Variants in PHACTR2 observed in about 807,000 individuals in gnomAD.
The protein encoded by PHACTR2 is chromosome 6 open reading frame 56.
PHACTR2 carries 30 observed loss-of-function variants against 76.0 expected under a neutral mutation model. That is an observed-to-expected ratio of 0.39 (90% CI 0.30 to 0.54). The LOEUF is 0.54. Among genes scored for constraint, PHACTR2 ranks in the 20% least tolerant of loss-of-function variants. The pLI, the probability that PHACTR2 is intolerant of heterozygous loss-of-function variation, is 0.61. For missense variants in PHACTR2, 696 were observed against 781.1 expected, an observed-to-expected ratio of 0.89 and a Z score of 1.30; for synonymous variants, 292 against 292.5, an observed-to-expected ratio of 1.00 and a Z score of 0.02.
Position 143,774,081 on chromosome 6 carries a change from C to G in PHACTR2, c.1455C>G (p.Arg485=), listed in dbSNP as rs747846024. 1.9e-6 allele frequency: 3 copies of G among 1,613,520 alleles called. No homozygotes were observed. In the Admixed American group the frequency reaches 5.0e-5, roughly 27 times the overall value. ...CAGGTGCTTTGGCAAGTAAAATACG[C>G]CGGAGGGATACTCTTGCTATCAAAC... ...SGESALASKI[R]RRDTLAIKLG... Residue 485 remains arginine (R), a synonymous_variant, in exon 8 of 13, where the codon CGC becomes CGG. Coordinates refer to ENST00000440869, the MANE Select transcript of PHACTR2 (RefSeq NM_001100164.2). This position sits in a 1 kb window ranked among gnomAD's most constrained non-coding sequence, Gnocchi z 5.4.
rs1021202893 is a variant in PHACTR2 at position 143,816,996 on chromosome 6, G to A, written c.1923-6678G>A. Among the ~76,000 whole-genome samples the A allele has an allele frequency of 6.6e-6, 1 of 152,116 alleles. No individual in the cohort carries two copies. The highest frequency in any genetic ancestry group is 1.5e-5 in the Non-Finnish European group (1 of 68,020). On this transcript the variant is annotated intron_variant, in intron 12 of 12. Coordinates refer to ENST00000440869, the MANE Select transcript of PHACTR2 (RefSeq NM_001100164.2). The surrounding 1 kb of genome is among the most constrained non-coding windows in gnomAD (Gnocchi z 4.5). ...CAGGAGAATCTCTTGAATCCAGGAG[G>A]CAGGGTTTGCAGTGAGCCGAGATCA...
chr6:143,676,564 C>G (rs933686726), upstream of PHACTR2, among the ~76,000 whole-genome samples: 1 of 151,982 alleles, frequency 6.6e-6, no homozygotes, highest in Admixed American at 6.5e-5. This position sits in a 1 kb window ranked among gnomAD's most constrained non-coding sequence, Gnocchi z 4.8. Flanking sequence ...TTTTTTCTTA[C>G]GGCAACTCAA....
In PHACTR2 at chr6:143,578,103, C is replaced by A. The variant is rs567452873; in HGVS notation, c.217+40896C>A. The stretch of plus-strand genomic sequence containing the variant: ...CTTTCCCTCTCATGGATTAAATCAG[C>A]CATAGTCCAAATGCAAAGAGGGAAG... On this transcript the variant is annotated intron_variant, in intron 1 of 11. Transcript: ENST00000367584. This position sits in a 1 kb window ranked among gnomAD's most constrained non-coding sequence, Gnocchi z 4.5. 5.9e-5 allele frequency among the ~76,000 whole-genome samples: 9 copies of A among 152,236 alleles called. No individual in the cohort carries two copies. The highest frequency in any genetic ancestry group is 5.9e-4 in the Admixed American group (9 of 15,292).
Position 143,774,675 on chromosome 6 carries a change from A to C in PHACTR2, c.1589+460A>C, listed in dbSNP as rs1312001086. On this transcript the variant is annotated intron_variant, in intron 8 of 12. Transcript: ENST00000440869. The surrounding 1 kb of genome is among the most constrained non-coding windows in gnomAD (Gnocchi z 5.4). ...TTATGGACTCACTAGCATTCCTGGGAATGCCATGAGGTTCTGCCCTGTGGA... is the reference window on the plus strand; with the variant it reads ...TTATGGACTCACTAGCATTCCTGGGCATGCCATGAGGTTCTGCCCTGTGGA... 6.6e-6 allele frequency among the ~76,000 whole-genome samples: 1 copy of C among 152,210 alleles called. No homozygotes were observed. The highest frequency in any genetic ancestry group is 1.5e-5 in the Non-Finnish European group (1 of 68,038).
At chr6:143,745,743 A>G (rs1329176129) in intron 2 of PHACTR2, among the ~76,000 whole-genome samples, 2 of 152,250 alleles carry the variant, frequency 1.3e-5, no homozygotes, top group Non-Finnish European at 2.9e-5. Context: ...TTGGCCCTGT[A>G]CAGAGGTATC....
chr6:143,802,091 C>T (rs1775969585), intron 11 of PHACTR2, among the ~76,000 whole-genome samples: 1 of 152,180 alleles, frequency 6.6e-6, no homozygotes, highest in Admixed American at 6.5e-5. Flanking sequence ...TTACCACTCA[C>T]CACTGGCCAA....
At chr6:143,660,008 G>A (rs1776919310) in intron 1 of PHACTR2, among the ~76,000 whole-genome samples, 2 of 152,082 alleles carry the variant, frequency 1.3e-5, no homozygotes, top group Non-Finnish European at 2.9e-5. Flanking sequence ...TGTCATTATG[G>A]TAATATTCAG....
rs1036739846 is a variant in PHACTR2 at position 143,827,258 on chromosome 6, A to G, written c.*3569A>G. 6.8e-6 allele frequency: 1 copy of G among 147,746 alleles called. No individual in the cohort carries two copies. The highest frequency in any genetic ancestry group is 2.5e-5 in the African/African-American group (1 of 40,288). 9.2% of individuals were successfully genotyped at this position (147,746 alleles called of 1,614,324 possible). A position where few individuals can be genotyped will look rare whatever the true frequency, so the allele number is the denominator to read the frequency against. ...GAGGAAAAATTTGCATTAACATTGC[A>G]TATTCTGATATGTACCATATTAACA... On this transcript the variant is annotated 3_prime_UTR_variant, in exon 13 of 13. Coordinates refer to ENST00000440869, the MANE Select transcript of PHACTR2 (RefSeq NM_001100164.2).
rs538357889 is a variant in PHACTR2 at position 143,765,543 on chromosome 6, A to G, written c.977A>G (p.Gln326Arg). The G allele has an allele frequency of 6.2e-7, 1 of 1,614,250 alleles. No homozygotes were observed. Among genetic ancestry groups the G allele is most frequent in the African/African-American group, 1.3e-5 (1 of 75,078 alleles). The change falls in exon 6 of 13, where the codon CAG (glutamine) becomes CGG (arginine). Residue 326 changes from glutamine (Q) to arginine (R), a missense_variant. Around this residue, in one of 2 missense-constraint regions of PHACTR2, gnomAD observed 460 missense variants for 450.9 expected, o/e 1.02. Coordinates refer to ENST00000440869, the MANE Select transcript of PHACTR2 (RefSeq NM_001100164.2). This position sits in a 1 kb window ranked among gnomAD's most constrained non-coding sequence, Gnocchi z 4.1. Reference sequence around the variant, plus strand: ...CAGACTGTCCCTGGAGCTGAGGAGCAGAACACAGGCAAATTCAAGTCCATG... The same window carrying G: ...CAGACTGTCCCTGGAGCTGAGGAGCGGAACACAGGCAAATTCAAGTCCATG... ...LEQTVPGAEE[Q>R]NTGKFKSMVP...
intron 12 of PHACTR2, among the ~76,000 whole-genome samples, chr6:143,817,401 G>T (rs1776323111): frequency 6.6e-6 from 1 of 152,178 alleles, no homozygotes; most frequent in South Asian, 2.1e-4. Flanking sequence ...GAGGTACAAT[G>T]CACTGTGTTG....
intron 1 of PHACTR2, among the ~76,000 whole-genome samples, chr6:143,705,317 C>T (rs139722806): frequency 0.02 from 2,307 of 116,894 alleles, 72 homozygotes; most frequent in African/African-American, 0.074. Context: ...TTTTTTGAGA[C>T]GGAGTCTTGC....
rs936266857 is a variant in PHACTR2, at chr6:143,764,470, G to A, written c.695-791G>A. 6.7e-6 allele frequency among the ~76,000 whole-genome samples: 1 copy of A among 149,974 alleles called. No individual in the cohort carries two copies. Among genetic ancestry groups the A allele is most frequent in the African/African-American group, 2.5e-5 (1 of 40,550 alleles). ...CAGGAGGCAGAAGTTATAGTGAGCC[G>A]ATATTGCACCACTGCATTCCAGCCT... is the stretch of plus-strand genomic sequence containing the variant. On this transcript the variant is annotated intron_variant, in intron 5 of 12. Coordinates refer to ENST00000440869, the MANE Select transcript of PHACTR2 (RefSeq NM_001100164.2). The surrounding 1 kb of genome is among the most constrained non-coding windows in gnomAD (Gnocchi z 4.7).
In PHACTR2 at chr6:143,743,171, C is replaced by T. The variant is rs1225323613; in HGVS notation, c.215-5814C>T. Among the ~76,000 whole-genome samples the T allele has an allele frequency of 6.6e-6, 1 of 151,994 alleles. No individual in the cohort carries two copies. Among genetic ancestry groups the T allele is most frequent in the African/African-American group, 2.4e-5 (1 of 41,356 alleles). On this transcript the variant is annotated intron_variant, in intron 2 of 12. Coordinates refer to ENST00000440869, the MANE Select transcript of PHACTR2 (RefSeq NM_001100164.2). This position sits in a 1 kb window ranked among gnomAD's most constrained non-coding sequence, Gnocchi z 5.0. Reference sequence around the variant, plus strand: ...ACTTAACATTTTAGGGTAGATTTCACCCGAGAGGGATAGGGAAACAGTCTA... The same window carrying T: ...ACTTAACATTTTAGGGTAGATTTCATCCGAGAGGGATAGGGAAACAGTCTA...
In PHACTR2 at chr6:143,599,450, T is replaced by C. The variant is rs2128435579; in HGVS notation, c.217+62243T>C. Among the ~76,000 whole-genome samples the C allele has an allele frequency of 6.6e-6, 1 of 152,312 alleles. No individual in the cohort carries two copies. Among genetic ancestry groups the C allele is most frequent in the South Asian group, 2.1e-4 (1 of 4,830 alleles). ...ATGTATTTATTCTAGAAACAATTGT[T>C]GAGTACTCAGTAGTGTTCTGGGAGC... On this transcript the variant is annotated intron_variant, in intron 1 of 11. Coordinates refer to the PHACTR2 transcript ENST00000367584. The surrounding 1 kb of genome is among the most constrained non-coding windows in gnomAD (Gnocchi z 4.6).
intron 1 of PHACTR2, among the ~76,000 whole-genome samples, chr6:143,551,743 C>T (rs985245883): frequency 3.3e-5 from 5 of 151,938 alleles, no homozygotes; most frequent in Admixed American, 1.3e-4. Context: ...GTTGAGGCTG[C>T]AATAAGAAGA....
chr6:143,726,277 G>A (rs1338341655), intron 2 of PHACTR2, among the ~76,000 whole-genome samples: 1 of 152,084 alleles, frequency 6.6e-6, no homozygotes, highest in Non-Finnish European at 1.5e-5. Flanking sequence ...ATTTTTTGTT[G>A]TTAAGGTAAA....
rs937344737 is a variant in PHACTR2 at position 143,789,600 on chromosome 6, T to G, written c.1845+690T>G. 6.6e-6 allele frequency among the ~76,000 whole-genome samples: 1 copy of G among 152,266 alleles called. No homozygotes were observed. The highest frequency in any genetic ancestry group is 2.4e-5 in the African/African-American group (1 of 41,474). On this transcript the variant is annotated intron_variant, in intron 11 of 12. Transcript: ENST00000440869. The surrounding 1 kb of genome is among the most constrained non-coding windows in gnomAD (Gnocchi z 5.1). Reference sequence around the variant, plus strand: ...TAGGCAAAGATTCGTGCCAACCGTTTGTTTTTAAATTGTTCTAATTTTTAT... The same window carrying G: ...TAGGCAAAGATTCGTGCCAACCGTTGGTTTTTAAATTGTTCTAATTTTTAT...
intron 1 of PHACTR2, among the ~76,000 whole-genome samples, chr6:143,579,437 A>G (rs538581445): frequency 6.6e-6 from 1 of 152,316 alleles, no homozygotes; most frequent in African/African-American, 2.4e-5. Flanking sequence ...CAACAACAAC[A>G]AAACATCCCC....
rs116408124 is a variant in PHACTR2, at chr6:143,539,740, C to G, written c.217+2533C>G. On this transcript the variant is annotated intron_variant, in intron 1 of 11. Coordinates refer to the PHACTR2 transcript ENST00000367584. The surrounding 1 kb of genome is among the most constrained non-coding windows in gnomAD (Gnocchi z 4.3). ...TGTGGCCTCATCTCAGAATCTCAGGCCCCACCCTAGGCCTGCTTAACTGAA... is the reference window on the plus strand; with the variant it reads ...TGTGGCCTCATCTCAGAATCTCAGGGCCCACCCTAGGCCTGCTTAACTGAA... Among the ~76,000 whole-genome samples the G allele has an allele frequency of 0.016, 2,442 of 152,234 alleles. 70 individuals carry two copies. The highest frequency in any genetic ancestry group is 0.055 in the African/African-American group (2,301 of 41,532).
Sources: allele counts gnomAD v4.1 joint callset (sites outside exome capture counted in the v4.1 genomes callset), GRCh38; gene constraint gnomAD v4.1.1; regional missense constraint gnomAD v4.1.1; non-coding constraint Gnocchi (gnomAD v3.1); transcripts MANE v1.5; gene names NCBI Gene and HGNC (gene_info 2026-07-23, HGNC 2026-07-21).